The following ARL15 variants were observed in gnomAD, a reference collection of about 807,000 sequenced individuals.
The protein encoded by ARL15 is ARF like GTPase 15, also known as ADP-ribosylation factor-like protein 15.
ARL15 carries 19 observed loss-of-function variants against 25.2 expected under a neutral mutation model. The observed-to-expected ratio is 0.75, with a 90% confidence interval of 0.53 to 1.10. The LOEUF (loss-of-function observed/expected upper bound fraction) is 1.10, where lower values mean the gene tolerates loss of function less well. Among genes scored for constraint, ARL15 ranks in the 50% least tolerant of loss-of-function variants. The probability of loss-of-function intolerance (pLI) is 0.00; values close to 1 mark genes in which losing one functional copy is unlikely to be tolerated. For synonymous variants in ARL15, 94 were observed against 86.8 expected (o/e 1.08, Z -0.46); for missense variants, 220 against 246.0 (o/e 0.89, Z 0.71).
intron 4 of ARL15, among the ~76,000 whole-genome samples, chr5:54,068,754 C>A (rs746947047): frequency 6.6e-6 from 1 of 152,146 alleles, no homozygotes; most frequent in Non-Finnish European, 1.5e-5. Context: ...TGTAATGATA[C>A]CCTGAACAGG....
At chr5:53,961,452 A>G (rs1747367180) in intron 4 of ARL15, among the ~76,000 whole-genome samples, 1 of 139,466 alleles carries the variant, frequency 7.2e-6, no homozygotes, top group African/African-American at 2.6e-5. Context: ...GAGCCAAGGT[A>G]GTACTATCGC....
intron 4 of ARL15, among the ~76,000 whole-genome samples, chr5:54,076,478 T>A (rs1008476653): frequency 1.3e-5 from 2 of 151,996 alleles, no homozygotes; most frequent in Non-Finnish European, 2.9e-5. Flanking sequence ...TAGCAGTAAT[T>A]TGATGAAAAA....
chr5:54,221,024 C>T (rs563153370), intron 1 of ARL15, among the ~76,000 whole-genome samples: 23 of 152,104 alleles, frequency 1.5e-4, no homozygotes, highest in Non-Finnish European at 2.4e-4. Context: ...TTCTTTCTGC[C>T]GAAAGTCTAA....
At chr5:54,126,219 T>C (rs1300142278) in intron 3 of ARL15, among the ~76,000 whole-genome samples, 1 of 152,204 alleles carries the variant, frequency 6.6e-6, no homozygotes, top group South Asian at 2.1e-4. Context: ...AAACACTCAG[T>C]TCAAATGCTC....
intron 4 of ARL15, among the ~76,000 whole-genome samples, chr5:53,955,886 CAA>C (rs1361727760): frequency 6.6e-6 from 1 of 152,042 alleles, no homozygotes; most frequent in Non-Finnish European, 1.5e-5. Flanking sequence ...TCACCTAACT[CAA>C]AACACATTCG....
At chr5:54,149,504 T>C (rs1475869014) in intron 3 of ARL15, among the ~76,000 whole-genome samples, 1 of 152,194 alleles carries the variant, frequency 6.6e-6, no homozygotes, top group South Asian at 2.1e-4. Flanking sequence ...AGTGAGAGTA[T>C]GATCATTATA....
chr5:54,091,389 G>A (rs997257825), intron 4 of ARL15, among the ~76,000 whole-genome samples: 2 of 152,122 alleles, frequency 1.3e-5, no homozygotes, highest in Non-Finnish European at 2.9e-5. Flanking sequence ...TTGAAGGGCT[G>A]GAGAATGTTA....
chr5:54,210,615 TG>T, intron 1 of ARL15, among the ~76,000 whole-genome samples: 1 of 152,364 alleles, frequency 6.6e-6, no homozygotes, highest in Non-Finnish European at 1.5e-5. Context: ...TTGAGGCATC[TG>T]GGCCTTAAAA....
intron 4 of ARL15, among the ~76,000 whole-genome samples, chr5:53,949,372 C>T (rs913231039): frequency 3.3e-5 from 5 of 152,152 alleles, no homozygotes; most frequent in Non-Finnish European, 7.4e-5. Flanking sequence ...AACAGTTTGA[C>T]TTCTATTTCA....
chr5:54,163,385 T>G lies in ARL15; in HGVS notation c.193+8399A>C, dbSNP rs1006149471. On this transcript the variant is annotated intron_variant, in intron 2 of 4. Coordinates refer to ENST00000504924, the MANE Select transcript of ARL15 (RefSeq NM_019087.3). The stretch of plus-strand genomic sequence containing the variant: ...TTTTTTTTTTTTTTTTTTTTTTTTT[T>G]TTTTTTTTTGTAATGTCTCTGTGTG... Among the ~76,000 whole-genome samples the G allele has an allele frequency of 2.4e-3, 263 of 109,042 alleles. 7 individuals are homozygous for G. Among genetic ancestry groups the G allele is most frequent in the African/African-American group, 8.3e-3 (251 of 30,242 alleles). The allele number at this position is 109,042 out of a possible 152,430, so 71.5% of individuals were successfully genotyped here.
intron 4 of ARL15, among the ~76,000 whole-genome samples, chr5:54,020,318 C>T (rs958860512): frequency 6.6e-6 from 1 of 152,084 alleles, no homozygotes; most frequent in Non-Finnish European, 1.5e-5. Flanking sequence ...AGGCCACCCC[C>T]CTGCAGTGTC....
intron 1 of ARL15, among the ~76,000 whole-genome samples, chr5:54,245,174 T>C (rs1367692293): frequency 6.6e-6 from 1 of 152,184 alleles, no homozygotes; most frequent in Non-Finnish European, 1.5e-5. Flanking sequence ...CAAAGAAATC[T>C]TTAAGAATGT....
chr5:54,047,149 T>C (rs16882051), intron 4 of ARL15, among the ~76,000 whole-genome samples: 23,658 of 152,020 alleles, frequency 0.16, 2,218 homozygotes, highest in East Asian at 0.46. Flanking sequence ...ACATGGGAAT[T>C]TCTTGAGTAA....
intron 1 of ARL15, among the ~76,000 whole-genome samples, chr5:54,286,919 A>G (rs1441240336): frequency 6.9e-6 from 1 of 144,244 alleles, no homozygotes; most frequent in Admixed American, 7.1e-5. Context: ...CTCAGGTTGG[A>G]GTGCAGTGGC....
At chr5:53,926,033 T>C (rs1357964320) in intron 4 of ARL15, among the ~76,000 whole-genome samples, 3 of 138,202 alleles carry the variant, frequency 2.2e-5, no homozygotes. Context: ...AACTATACAC[T>C]GAAATAAAGA....
intron 1 of ARL15, among the ~76,000 whole-genome samples, chr5:54,223,177 C>T (rs976774651): frequency 2.0e-5 from 3 of 151,748 alleles, no homozygotes; most frequent in African/African-American, 7.3e-5. Flanking sequence ...CCTCCCTCCT[C>T]CTTTCATGAG....
At chr5:54,189,781 C>A (rs1755343283) in intron 1 of ARL15, among the ~76,000 whole-genome samples, 1 of 151,900 alleles carries the variant, frequency 6.6e-6, no homozygotes, top group African/African-American at 2.4e-5. Flanking sequence ...GACATGATAC[C>A]ACAGACACAG....
At chr5:54,281,262 C>T (rs1013602405) in intron 1 of ARL15, among the ~76,000 whole-genome samples, 1 of 152,124 alleles carries the variant, frequency 6.6e-6, no homozygotes, top group Non-Finnish European at 1.5e-5. Flanking sequence ...GCCTCAGCCT[C>T]CCAAGTAGCT....
Position 53,895,580 on chromosome 5 carries a change from T to C in ARL15, c.463-8867A>G, listed in dbSNP as rs1744845454. Among the ~76,000 whole-genome samples, 7 of 152,304 alleles carry C rather than the reference T, an allele frequency of 4.6e-5. No individual in the cohort carries two copies. In the South Asian group the frequency reaches 1.5e-3, roughly 32 times the overall value. ...TGGTGCACAGCAATACTAGTTATTG[T>C]TACTTTGCAGTTTTGAAAAGGAATA... On this transcript the variant is annotated intron_variant, in intron 4 of 4. Transcript: ENST00000504924.
Sources: gnomAD v4.1 joint callset for allele counts (sites outside exome capture counted in the v4.1 genomes callset) on GRCh38, gnomAD v4.1.1 for gene constraint, MANE v1.5 for transcripts, NCBI Gene and HGNC (gene_info 2026-07-23, HGNC 2026-07-21) for gene names.